WBP1L: variants seen among roughly 807,000 people sequenced by gnomAD.
WBP1L encodes the protein WW domain binding protein 1 like, also known as WW domain binding protein 1-like.
Under a neutral mutation model 33.7 loss-of-function variants are expected in WBP1L, and 17 were observed. That is an observed-to-expected ratio of 0.50 (90% CI 0.34 to 0.76). The LOEUF (loss-of-function observed/expected upper bound fraction) is 0.76. Ranked by LOEUF, WBP1L falls within the 30% of genes least tolerant of loss-of-function variation. The pLI is 0.01. For missense variants in WBP1L, 389 were observed against 469.4 expected, an observed-to-expected ratio of 0.83 and a Z score of 1.58; for synonymous variants, 173 against 190.8, an observed-to-expected ratio of 0.91 and a Z score of 0.77.
chr10:102,771,984 G>A (rs189147244), intron 1 of WBP1L, among the ~76,000 whole-genome samples: 1 of 148,198 alleles, frequency 6.7e-6, no homozygotes, highest in African/African-American at 2.5e-5. Context: ...TTCTTGAGAC[G>A]GAGTCTCGCT....
chr10:102,812,564 G>A (rs750836762), intron 3 of WBP1L, 31 bp from the exon 4 acceptor site: 1 of 1,545,800 alleles, frequency 6.5e-7, no homozygotes, highest in Non-Finnish European at 8.7e-7. Flanking sequence ...GACCAGTGCA[G>A]TAATTTCTCC....
chr10:102,744,044 C>A lies in WBP1L; in HGVS notation c.-10C>A. The A allele has an allele frequency of 6.5e-7, 1 of 1,543,716 alleles. No individual in the cohort carries two copies. The highest frequency in any genetic ancestry group is 8.8e-7 in the Non-Finnish European group (1 of 1,142,152). On this transcript the variant is annotated 5_prime_UTR_variant, in exon 1 of 4. Transcript: ENST00000448841. ...CGGCGCCGTGGCGGAGGAGCAGGAG[C>A]AGGAGGGGGATGGAGAGGAGAAGGC...
Position 102,813,445 on chromosome 10 carries a change from TTTTG to T in WBP1L, c.*122_*125del. ...TTCAGAGTACAGCCACTTGGTTCCT[TTTTG>T]TTTGTTTTCCTTCTCCTCTCCTGCA... On this transcript the variant is annotated 3_prime_UTR_variant, in exon 4 of 4. Coordinates refer to ENST00000448841, the MANE Select transcript of WBP1L (RefSeq NM_001083913.2). 7.3e-7 allele frequency: 1 copy of T among 1,376,598 alleles called. No individual in the cohort carries two copies. Among genetic ancestry groups the T allele is most frequent in the Non-Finnish European group, 9.6e-7 (1 of 1,040,900 alleles). 85.3% of individuals were successfully genotyped at this position (1,376,598 alleles called of 1,614,324 possible).
rs188648153 is a variant in WBP1L, at chr10:102,772,383, C to T, written c.91-25610C>T. On this transcript the variant is annotated intron_variant, in intron 1 of 3. Coordinates refer to ENST00000448841, the MANE Select transcript of WBP1L (RefSeq NM_001083913.2). ...TCAAGTGATTCTCCTGCTTCAGTCT[C>T]TCAAGTAGCTGGGACTACAGGTATG... Among the ~76,000 whole-genome samples, 50 of 149,498 alleles carry T rather than the reference C, an allele frequency of 3.3e-4. No homozygotes were observed. In the East Asian group the frequency reaches 8.9e-3, roughly 27 times the overall value.
chr10:102,785,050 A>T (rs944504198), intron 1 of WBP1L, among the ~76,000 whole-genome samples: 8 of 149,534 alleles, frequency 5.3e-5, no homozygotes, highest in Admixed American at 4.0e-4. Context: ...TAAATTTTGT[A>T]TTTTGTAGAG....
chr10:102,793,713 A>T (rs1843534327), intron 1 of WBP1L, among the ~76,000 whole-genome samples: 1 of 151,972 alleles, frequency 6.6e-6, no homozygotes, highest in Non-Finnish European at 1.5e-5. Flanking sequence ...AATTAGCCCA[A>T]GGTCACACAG....
At chr10:102,806,093 G>A (rs11816052) in intron 2 of WBP1L, among the ~76,000 whole-genome samples, 1 of 151,242 alleles carries the variant, frequency 6.6e-6, no homozygotes, top group African/African-American at 2.4e-5. Context: ...CGCACCTGTA[G>A]TTGCAGCTGC....
chr10:102,805,642 C>T (rs989398795), intron 2 of WBP1L, among the ~76,000 whole-genome samples: 1 of 151,988 alleles, frequency 6.6e-6, no homozygotes, highest in Non-Finnish European at 1.5e-5. Context: ...CCTGTAATCC[C>T]AGCACTTTGG....
chr10:102,778,496 G>A (rs1843295731), intron 1 of WBP1L, among the ~76,000 whole-genome samples: 1 of 152,202 alleles, frequency 6.6e-6, no homozygotes, highest in South Asian at 2.1e-4. Context: ...TGAAGGGTTG[G>A]GATGGTTGTT....
intron 1 of WBP1L, among the ~76,000 whole-genome samples, chr10:102,756,617 C>T (rs1298648090): frequency 2.0e-5 from 3 of 152,116 alleles, no homozygotes; most frequent in Non-Finnish European, 2.9e-5. Context: ...CACAGTGCTA[C>T]GTTGAACATT....
At chr10:102,812,061 G>T (rs1273515545) in intron 3 of WBP1L, among the ~76,000 whole-genome samples, 2 of 152,114 alleles carry the variant, frequency 1.3e-5, no homozygotes, top group Non-Finnish European at 2.9e-5. Context: ...TGTGTTTCCA[G>T]ACCACCTCCA....
chr10:102,804,498 C>CT (rs1843704718), intron 2 of WBP1L, among the ~76,000 whole-genome samples: 1 of 150,434 alleles, frequency 6.6e-6, no homozygotes, highest in Non-Finnish European at 1.5e-5. Flanking sequence ...CTGATGAACA[C>CT]TTTAAATTCT....
chr10:102,774,142 A>G (rs943948840), intron 1 of WBP1L, among the ~76,000 whole-genome samples: 9 of 151,852 alleles, frequency 5.9e-5, no homozygotes, highest in African/African-American at 1.9e-4. Context: ...TTGATTGCCA[A>G]AGTTAGTGCT....
intron 2 of WBP1L, 64 bp from the exon 3 acceptor site, chr10:102,809,829 G>T: frequency 6.5e-7 from 1 of 1,535,864 alleles, no homozygotes; most frequent in Non-Finnish European, 8.8e-7. Flanking sequence ...TCCCTGTTCC[G>T]CAAGCTGCCC....
chr10:102,808,709 C>T (rs1843778414), intron 2 of WBP1L, among the ~76,000 whole-genome samples: 1 of 152,200 alleles, frequency 6.6e-6, no homozygotes, highest in Non-Finnish European at 1.5e-5. Flanking sequence ...AATTTTTCCA[C>T]CTCTAACTTT....
At chr10:102,749,362 C>G (rs1842901818) in intron 1 of WBP1L, among the ~76,000 whole-genome samples, 1 of 152,114 alleles carries the variant, frequency 6.6e-6, no homozygotes. Flanking sequence ...CTTTGAACTC[C>G]TGGGCTCAAG....
At chr10:102,756,153 C>T (rs948166107) in intron 1 of WBP1L, among the ~76,000 whole-genome samples, 5 of 152,040 alleles carry the variant, frequency 3.3e-5, no homozygotes, top group Non-Finnish European at 5.9e-5. Flanking sequence ...TGGCTCATGC[C>T]TGTAATCCCA....
chr10:102,783,533 G>T (rs1843366780), intron 1 of WBP1L, among the ~76,000 whole-genome samples: 1 of 152,154 alleles, frequency 6.6e-6, no homozygotes, highest in Non-Finnish European at 1.5e-5. Flanking sequence ...AGTCTGTGAG[G>T]CACTCGGAGA....
chr10:102,754,868 C>T (rs902315923), intron 1 of WBP1L, among the ~76,000 whole-genome samples: 13 of 147,812 alleles, frequency 8.8e-5, no homozygotes, highest in African/African-American at 3.2e-4. Context: ...CAGTGTCCAG[C>T]TAATTTTGTT....
Sources: allele counts gnomAD v4.1 joint callset (sites outside exome capture counted in the v4.1 genomes callset), GRCh38; gene constraint gnomAD v4.1.1; transcripts MANE v1.5; gene names NCBI Gene and HGNC (gene_info 2026-07-23, HGNC 2026-07-21).